ADAM12: variants seen among roughly 807,000 people sequenced by gnomAD.
ADAM12 encodes disintegrin and metalloproteinase domain-containing protein 12.
In ADAM12, 70 loss-of-function variants were observed where a neutral mutation model predicts 106.4. That is an observed-to-expected ratio of 0.66 (90% confidence interval 0.54 to 0.80). The LOEUF is 0.80. ADAM12 is among the 30% of genes least tolerant of loss of function. The pLI, the probability that ADAM12 is intolerant of heterozygous loss-of-function variation, is 0.00. For synonymous variants in ADAM12, 420 were observed against 433.5 expected, an observed-to-expected ratio of 0.97 and a Z score of 0.39; for missense variants, 1,010 against 1,171.9, an observed-to-expected ratio of 0.86 and a Z score of 2.02.
chr10:126,300,803 C>G (rs1459007735), intron 2 of ADAM12, among the ~76,000 whole-genome samples: 1 of 152,160 alleles, frequency 6.6e-6, no homozygotes, highest in African/African-American at 2.4e-5. Flanking sequence ...AGTGTGTTAA[C>G]TCTTCCCATG....
chr10:126,184,778 A>G (rs1411450555), intron 3 of ADAM12, among the ~76,000 whole-genome samples: 1 of 152,178 alleles, frequency 6.6e-6, no homozygotes, highest in Non-Finnish European at 1.5e-5. Flanking sequence ...AACATACACA[A>G]GATCCACCTG....
intron 2 of ADAM12, among the ~76,000 whole-genome samples, chr10:126,308,038 A>G (rs1960925102): frequency 6.6e-6 from 1 of 152,210 alleles, no homozygotes; most frequent in South Asian, 2.1e-4. Context: ...TGATGTGATC[A>G]GTCTCTCACT....
rs987381969 is a variant in ADAM12, at chr10:126,305,569, C to T, written c.186+24843G>A. Reference sequence around the variant, plus strand: ...AATGTCTTGATTTGGGTGACGGTTACGTGGGTGTATATACTTGTCAAAATT... The same window carrying T: ...AATGTCTTGATTTGGGTGACGGTTATGTGGGTGTATATACTTGTCAAAATT... On this transcript the variant is annotated intron_variant, in intron 2 of 22. Coordinates refer to ENST00000448723, the MANE Select transcript of ADAM12 (RefSeq NM_001288973.2). 3.3e-5 allele frequency among the ~76,000 whole-genome samples: 5 copies of T among 152,062 alleles called. No individual in the cohort carries two copies. The East Asian group carries it at 5.8e-4, about 18-fold the overall frequency.
rs759019772 is a variant in ADAM12 at position 126,118,096 on chromosome 10, G to A, written c.545C>T (p.Thr182Ile). ...VRGSCGSHHN[T>I]PNLAAKNVFP... Reference sequence around the variant, plus strand: ...CACATTCTTTGCAGCGAGGTTTGGTGTGTTGTGATGTGATCCACATGATCC... The same window carrying A: ...CACATTCTTTGCAGCGAGGTTTGGTATGTTGTGATGTGATCCACATGATCC... Residue 182 changes from threonine to isoleucine, a missense_variant, in exon 6 of 23, where the codon ACA (threonine) becomes ATA (isoleucine). This residue lies in a region of ADAM12 where 391 missense variants were observed against 442.9 expected (regional missense o/e 0.88). Transcript: ENST00000448723. The A allele has an allele frequency of 8.7e-6, 14 of 1,614,078 alleles. 1 individual carries two copies. Among genetic ancestry groups the A allele is most frequent in the South Asian group, 2.2e-5 (2 of 91,090 alleles).
intron 3 of ADAM12, among the ~76,000 whole-genome samples, chr10:126,267,361 T>C (rs7905148): frequency 0.95 from 144,040 of 152,230 alleles, 68,661 homozygotes; most frequent in East Asian, 1. Flanking sequence ...ATTTATTGTG[T>C]ACTTTATTTC....
At chr10:126,168,998 A>G (rs1484241681) in intron 3 of ADAM12, among the ~76,000 whole-genome samples, 1 of 152,136 alleles carries the variant, frequency 6.6e-6, no homozygotes, top group Admixed American at 6.5e-5. Context: ...GATTGTAGTG[A>G]GCCGAGATCG....
intron 6 of ADAM12, among the ~76,000 whole-genome samples, chr10:126,115,142 A>T (rs1386509198): frequency 6.6e-6 from 1 of 152,212 alleles, no homozygotes; most frequent in African/African-American, 2.4e-5. Context: ...ATTTCTTTTC[A>T]GAGAAGGCAG....
intron 2 of ADAM12, among the ~76,000 whole-genome samples, chr10:126,311,887 C>T (rs1441107336): frequency 1.1e-4 from 17 of 152,058 alleles, no homozygotes; most frequent in African/African-American, 1.7e-4. Context: ...AAGTGAGTCC[C>T]GAGTCATTAT....
At chr10:126,358,176 C>CAAA (rs34098142) in intron 1 of ADAM12, among the ~76,000 whole-genome samples, 9 of 130,060 alleles carry the variant, frequency 6.9e-5, no homozygotes, top group African/African-American at 1.4e-4. Flanking sequence ...GACTCCGTCT[C>CAAA]AAAAAAAAAA....
intron 3 of ADAM12, among the ~76,000 whole-genome samples, chr10:126,207,999 TAAAG>T (rs1452117192): frequency 1.1e-4 from 17 of 152,208 alleles, no homozygotes; most frequent in Non-Finnish European, 2.5e-4. Flanking sequence ...ACATTTTAAA[TAAAG>T]AAAGTTATTA....
intron 21 of ADAM12, among the ~76,000 whole-genome samples, chr10:126,034,095 A>T (rs1954016261): frequency 6.6e-6 from 1 of 152,250 alleles, no homozygotes; most frequent in African/African-American, 2.4e-5. Context: ...TATAAAAGGA[A>T]GAGGAAAAGC....
chr10:126,322,720 G>T (rs1429873170), intron 2 of ADAM12, among the ~76,000 whole-genome samples: 3 of 152,170 alleles, frequency 2.0e-5, no homozygotes, highest in Non-Finnish European at 2.9e-5. Flanking sequence ...CTGAGCAAGG[G>T]CGAATGACAA....
intron 3 of ADAM12, among the ~76,000 whole-genome samples, chr10:126,189,067 C>T (rs1957450641): frequency 6.6e-6 from 1 of 152,154 alleles, no homozygotes; most frequent in Non-Finnish European, 1.5e-5. Flanking sequence ...TCTCAAGAAG[C>T]CCACATCCTA....
chr10:126,320,266 C>T (rs558349988), intron 2 of ADAM12, among the ~76,000 whole-genome samples: 14 of 152,274 alleles, frequency 9.2e-5, no homozygotes, highest in African/African-American at 2.4e-4. Context: ...CTCAGGGACA[C>T]GTGCAAGACA....
At chr10:126,285,719 G>A (rs1590732938) in intron 2 of ADAM12, among the ~76,000 whole-genome samples, 1 of 152,174 alleles carries the variant, frequency 6.6e-6, no homozygotes, top group East Asian at 1.9e-4. Flanking sequence ...CAGTGCACAT[G>A]TGCTCACAGG....
intron 2 of ADAM12, among the ~76,000 whole-genome samples, chr10:126,307,237 T>G (rs898554359): frequency 6.6e-6 from 1 of 152,224 alleles, no homozygotes; most frequent in Non-Finnish European, 1.5e-5. Flanking sequence ...TTCAGAGATT[T>G]TGTTTTTCGT....
chr10:126,291,759 T>C (rs1224910401), intron 2 of ADAM12, among the ~76,000 whole-genome samples: 1 of 152,078 alleles, frequency 6.6e-6, no homozygotes, highest in African/African-American at 2.4e-5. Flanking sequence ...GCTCTGGGAT[T>C]GAGGACTCAA....
intron 2 of ADAM12, among the ~76,000 whole-genome samples, chr10:126,308,102 C>A (rs1960929056): frequency 6.6e-6 from 1 of 152,040 alleles, no homozygotes; most frequent in African/African-American, 2.4e-5. Flanking sequence ...AAGGCTCAGT[C>A]CAAGCCTTAG....
Position 126,111,410 on chromosome 10 carries a change from T to G in ADAM12, c.604-1570A>C, listed in dbSNP as rs932832836. 2.0e-5 allele frequency among the ~76,000 whole-genome samples: 3 copies of G among 152,172 alleles called. No individual in the cohort carries two copies. The East Asian group carries it at 5.8e-4, about 29-fold the overall frequency. Reference sequence around the variant, plus strand: ...TGAAAGTGTGAAGATCTTGCCCTTTTTCCTCATTGAGGCGTGAAAGAGGCA... The same window carrying G: ...TGAAAGTGTGAAGATCTTGCCCTTTGTCCTCATTGAGGCGTGAAAGAGGCA... On this transcript the variant is annotated intron_variant, in intron 6 of 22. Coordinates refer to ENST00000448723, the MANE Select transcript of ADAM12 (RefSeq NM_001288973.2).
Sources: allele counts gnomAD v4.1 joint callset (sites outside exome capture counted in the v4.1 genomes callset), GRCh38; gene constraint gnomAD v4.1.1; regional missense constraint gnomAD v4.1.1; transcripts MANE v1.5; gene names NCBI Gene and HGNC (gene_info 2026-07-23, HGNC 2026-07-21).